The following NXPE2 variants were observed in gnomAD, a reference collection of about 807,000 sequenced individuals.
The protein encoded by NXPE2 is neurexophilin and PC-esterase domain family member 2.
Under a neutral mutation model 34.4 loss-of-function variants are expected in NXPE2, and 34 were observed. The ratio of observed to expected loss-of-function variants is 0.99; its 90% CI spans 0.75 to 1.31. The LOEUF is 1.31. Ranked by LOEUF, NXPE2 falls within the 40% of genes most tolerant of loss-of-function variation. The pLI is 0.00. For missense variants in NXPE2, 649 were observed against 672.5 expected (o/e 0.97, Z 0.39); for synonymous variants, 235 against 231.3 (o/e 1.02, Z -0.15).
At chr11:114,591,917 T>C in the NXPE2 span, among the ~76,000 whole-genome samples, 1 of 152,144 alleles carries the variant, frequency 6.6e-6, no homozygotes, top group Admixed American at 6.5e-5. Context: ...TGGCCCCTTC[T>C]CATTCAACAA....
the NXPE2 span, among the ~76,000 whole-genome samples, chr11:114,540,232 C>T: frequency 7.9e-5 from 12 of 152,124 alleles, no homozygotes; most frequent in Admixed American, 3.3e-4. Flanking sequence ...GCTGGGATTA[C>T]GGTGTGAGCC....
the NXPE2 span, among the ~76,000 whole-genome samples, chr11:114,808,452 CTAAT>C: frequency 7.8e-6 from 1 of 128,806 alleles, no homozygotes; most frequent in Non-Finnish European, 1.6e-5. Context: ...GCTAGCAAGA[CTAAT>C]AAAGAAGAAA....
chr11:114,661,436 G>A, the NXPE2 span, among the ~76,000 whole-genome samples: 1 of 152,088 alleles, frequency 6.6e-6, no homozygotes, highest in East Asian at 1.9e-4. Context: ...CAGAATCCTA[G>A]GATCCATGGT....
At chr11:114,748,769 C>G in the NXPE2 span, among the ~76,000 whole-genome samples, 1 of 152,090 alleles carries the variant, frequency 6.6e-6, no homozygotes, top group Non-Finnish European at 1.5e-5. Flanking sequence ...CAAAGTCATT[C>G]TTTTTCCATT....
the NXPE2 span, among the ~76,000 whole-genome samples, chr11:114,766,314 A>G: frequency 3.3e-5 from 5 of 152,076 alleles, no homozygotes; most frequent in Non-Finnish European, 7.4e-5. Context: ...AACTTCTTCC[A>G]TGACAATCCC....
At chr11:114,475,312 C>T in the NXPE2 span, among the ~76,000 whole-genome samples, 1 of 135,716 alleles carries the variant, frequency 7.4e-6, no homozygotes, top group East Asian at 2.3e-4. Context: ...AGTGCGATCT[C>T]CACTCACTAC....
the NXPE2 span, among the ~76,000 whole-genome samples, chr11:114,502,933 G>T: frequency 6.6e-6 from 1 of 152,186 alleles, no homozygotes. Flanking sequence ...CACTGGGAGT[G>T]GCTAGGAGTG....
the NXPE2 span, among the ~76,000 whole-genome samples, chr11:114,628,002 G>A: frequency 1.3e-5 from 2 of 151,738 alleles, no homozygotes; most frequent in African/African-American, 2.4e-5. Context: ...CAACACAGGA[G>A]CACCTAGATT....
At chr11:114,799,866 A>C in the NXPE2 span, among the ~76,000 whole-genome samples, 2 of 144,240 alleles carry the variant, frequency 1.4e-5, no homozygotes, top group African/African-American at 2.6e-5. Flanking sequence ...CCTTCATCTC[A>C]CCCTCCCTCC....
the NXPE2 span, among the ~76,000 whole-genome samples, chr11:114,771,455 C>T: frequency 6.6e-6 from 1 of 151,364 alleles, no homozygotes; most frequent in African/African-American, 2.4e-5. Flanking sequence ...GTGAATAGTT[C>T]TACTCATTCT....
At chr11:114,581,974 T>G in the NXPE2 span, among the ~76,000 whole-genome samples, 1 of 152,214 alleles carries the variant, frequency 6.6e-6, no homozygotes, top group Non-Finnish European at 1.5e-5. Flanking sequence ...ACCCAGAAGG[T>G]ATGCAAGAGA....
At chr11:114,659,433 C>CAA in the NXPE2 span, among the ~76,000 whole-genome samples, 36 of 146,828 alleles carry the variant, frequency 2.5e-4, no homozygotes, top group Non-Finnish European at 4.9e-4. Flanking sequence ...TTCTGTTAAA[C>CAA]AAAAAAAAGA....
At chr11:114,780,689 G>A in the NXPE2 span, among the ~76,000 whole-genome samples, 1 of 152,196 alleles carries the variant, frequency 6.6e-6, no homozygotes, top group Non-Finnish European at 1.5e-5. Flanking sequence ...AAGAGGCTCA[G>A]GAAGGCAAAC....
At chr11:114,812,233 G>A in the NXPE2 span, among the ~76,000 whole-genome samples, 3 of 152,190 alleles carry the variant, frequency 2.0e-5, no homozygotes, top group Non-Finnish European at 2.9e-5. Context: ...AAGGGGGATA[G>A]CAAAGGCTGA....
chr11:114,711,220 T>C (rs989791399), downstream of NXPE2, among the ~76,000 whole-genome samples: 1 of 152,118 alleles, frequency 6.6e-6, no homozygotes, highest in Non-Finnish European at 1.5e-5. Flanking sequence ...TTCAACATAG[T>C]ACTGAAATTT....
At chr11:114,617,844 A>C in the NXPE2 span, among the ~76,000 whole-genome samples, 2 of 151,236 alleles carry the variant, frequency 1.3e-5, no homozygotes, top group Non-Finnish European at 3.0e-5. Context: ...AGTGTTACCC[A>C]GTTGATAATA....
At chr11:114,809,143 AC>A in the NXPE2 span, among the ~76,000 whole-genome samples, 19 of 151,992 alleles carry the variant, frequency 1.3e-4, no homozygotes, top group East Asian at 5.8e-4. Context: ...AAATTCAACA[AC>A]CCTTCATGCT....
the NXPE2 span, among the ~76,000 whole-genome samples, chr11:114,601,781 T>C: frequency 1.4e-5 from 1 of 73,492 alleles, no homozygotes; most frequent in Non-Finnish European, 2.3e-5. Context: ...ATTATAATTA[T>C]ATAACATGTG....
At chr11:114,633,722 T>C in the NXPE2 span, among the ~76,000 whole-genome samples, 1 of 151,882 alleles carries the variant, frequency 6.6e-6, no homozygotes, top group Non-Finnish European at 1.5e-5. Flanking sequence ...GCGTTTGGTT[T>C]TTTGTCCTTG....
Sources: allele counts gnomAD v4.1 joint callset (sites outside exome capture counted in the v4.1 genomes callset), GRCh38; gene constraint gnomAD v4.1.1; transcripts MANE v1.5; gene names NCBI Gene and HGNC (gene_info 2026-07-23, HGNC 2026-07-21).